Variants in NAALADL2 observed in about 807,000 individuals in gnomAD.
NAALADL2 encodes the protein N-acetylated alpha-linked acidic dipeptidase like 2.
A neutral mutation model predicts 87.2 loss-of-function variants in NAALADL2; 76 were observed. The observed-to-expected ratio is 0.87, with a 90% CI of 0.72 to 1.05. The LOEUF (loss-of-function observed/expected upper bound fraction) is 1.05, where lower values mean the gene tolerates loss of function less well. Among genes scored for constraint, NAALADL2 ranks in the 50% least tolerant of loss-of-function variants. The pLI is 0.00. For missense variants in NAALADL2, 1,089 were observed against 945.8 expected (o/e 1.15, Z -1.99); for synonymous variants, 354 against 331.0 (o/e 1.07, Z -0.75).
At chr3:174,840,563 G>T (rs1383792524) in intron 3 of NAALADL2, among the ~76,000 whole-genome samples, 1 of 152,098 alleles carries the variant, frequency 6.6e-6, no homozygotes, top group Non-Finnish European at 1.5e-5. Context: ...ATTTTTAGAT[G>T]TACTTTTTCT....
chr3:175,615,587 A>G (rs4536840), intron 10 of NAALADL2, among the ~76,000 whole-genome samples: 28,985 of 151,830 alleles, frequency 0.19, 3,137 homozygotes, highest in African/African-American at 0.29. Context: ...GCCGGGCATG[A>G]TGGCTCATAT....
rs904235304 is a variant in NAALADL2 at position 174,893,694 on chromosome 3, C to G, written c.43+34244C>G. 4.0e-5 allele frequency among the ~76,000 whole-genome samples: 6 copies of G among 151,634 alleles called. No homozygotes were observed. In the South Asian group the frequency reaches 1.0e-3, roughly 26 times the overall value. ...TTTGCAAGCCTCATGGTAACCTCAA[C>G]CAATAAATAAAAAAGATAGAATGAG... is the stretch of plus-strand genomic sequence containing the variant. On this transcript the variant is annotated intron_variant, in intron 1 of 13. Transcript: ENST00000454872.
At chr3:174,674,578 A>G (rs1237980527) in intron 2 of NAALADL2, among the ~76,000 whole-genome samples, 1 of 151,650 alleles carries the variant, frequency 6.6e-6, no homozygotes, top group Non-Finnish European at 1.5e-5. Context: ...TACTGAAAAT[A>G]TTTGTTGGAT....
chr3:174,723,576 A>G (rs1731895482), intron 2 of NAALADL2, among the ~76,000 whole-genome samples: 1 of 151,980 alleles, frequency 6.6e-6, no homozygotes, highest in Admixed American at 6.6e-5. Context: ...TAACATGGTG[A>G]AACCCCATCT....
intron 10 of NAALADL2, among the ~76,000 whole-genome samples, chr3:175,599,059 T>C (rs1722611031): frequency 6.6e-6 from 1 of 152,280 alleles, no homozygotes. Flanking sequence ...TTTGTTATAC[T>C]CTTCATGGTG....
At chr3:174,672,058 A>G (rs1472585350) in intron 2 of NAALADL2, among the ~76,000 whole-genome samples, 1 of 152,008 alleles carries the variant, frequency 6.6e-6, no homozygotes, top group Admixed American at 6.6e-5. Flanking sequence ...CTAAATTCTG[A>G]ACTAAGAATA....
At chr3:175,626,453 A>G (rs1191803310) in intron 10 of NAALADL2, among the ~76,000 whole-genome samples, 1 of 151,880 alleles carries the variant, frequency 6.6e-6, no homozygotes, top group East Asian at 1.9e-4. Flanking sequence ...AGAAAGAATA[A>G]TGTAGTTCAT....
intron 2 of NAALADL2, among the ~76,000 whole-genome samples, chr3:174,716,813 T>C (rs890304049): frequency 5.3e-5 from 8 of 152,210 alleles, no homozygotes; most frequent in African/African-American, 1.9e-4. Flanking sequence ...AAAAATACTT[T>C]GTTAATAATG....
intron 1 of NAALADL2, among the ~76,000 whole-genome samples, chr3:174,498,321 C>T (rs116653995): frequency 0.014 from 2,132 of 151,926 alleles, 49 homozygotes; most frequent in African/African-American, 0.049. Context: ...TCTTTAATCA[C>T]AGTTTTGAGA....
intron 3 of NAALADL2, among the ~76,000 whole-genome samples, chr3:174,823,089 C>A (rs1253254712): frequency 6.6e-6 from 1 of 152,184 alleles, no homozygotes; most frequent in East Asian, 1.9e-4. Context: ...AAAGCACTTT[C>A]TATATTTGTA....
chr3:175,787,603 C>T (rs922752509), intron 13 of NAALADL2, among the ~76,000 whole-genome samples: 1 of 152,098 alleles, frequency 6.6e-6, no homozygotes, highest in Non-Finnish European at 1.5e-5. Flanking sequence ...TGACCTGCGC[C>T]CACTGTCTGG....
intron 12 of NAALADL2, among the ~76,000 whole-genome samples, chr3:175,739,307 T>C (rs1308041245): frequency 6.6e-6 from 1 of 152,236 alleles, no homozygotes; most frequent in Non-Finnish European, 1.5e-5. Context: ...GATTCGGTTG[T>C]CAGGCCAATG....
chr3:174,462,979 A>T (rs1716301711), intron 1 of NAALADL2, among the ~76,000 whole-genome samples: 1 of 152,178 alleles, frequency 6.6e-6, no homozygotes, highest in Non-Finnish European at 1.5e-5. Flanking sequence ...TCTGGGCTTT[A>T]ATTAGCCATG....
intron 2 of NAALADL2, among the ~76,000 whole-genome samples, chr3:174,589,814 T>G (rs1306534463): frequency 1.3e-5 from 2 of 151,862 alleles, no homozygotes; most frequent in Admixed American, 1.3e-4. Context: ...GCCCATGATG[T>G]TTTTTAAACC....
chr3:174,851,458 A>G (rs1330065385), intron 3 of NAALADL2, among the ~76,000 whole-genome samples: 4 of 152,046 alleles, frequency 2.6e-5, no homozygotes, highest in Non-Finnish European at 4.4e-5. Flanking sequence ...GAAATTCAAA[A>G]GATTGTTTTG....
At chr3:175,241,200 C>T (rs112324688) in intron 3 of NAALADL2, among the ~76,000 whole-genome samples, 7 of 149,890 alleles carry the variant, frequency 4.7e-5, no homozygotes, top group Admixed American at 3.3e-4. Context: ...TCCATAATTG[C>T]TTCTTTCATT....
At chr3:175,557,997 A>G (rs1466265365) in intron 9 of NAALADL2, among the ~76,000 whole-genome samples, 1 of 151,982 alleles carries the variant, frequency 6.6e-6, no homozygotes. Flanking sequence ...AATCGAGACC[A>G]TCCTGGCTAA....
chr3:175,797,928 C>T (rs1467134317), intron 13 of NAALADL2, among the ~76,000 whole-genome samples: 1 of 151,960 alleles, frequency 6.6e-6, no homozygotes, highest in East Asian at 1.9e-4. Flanking sequence ...TAAAAGTTCT[C>T]AGAGCCAAGA....
chr3:175,446,598 A>T (rs186343950), intron 5 of NAALADL2, among the ~76,000 whole-genome samples: 80 of 151,986 alleles, frequency 5.3e-4, no homozygotes, highest in African/African-American at 1.8e-3. Context: ...CTCCCTGTTC[A>T]CTCTCTCACT....
Sources: allele counts gnomAD v4.1 joint callset (sites outside exome capture counted in the v4.1 genomes callset), GRCh38; gene constraint gnomAD v4.1.1; transcripts MANE v1.5; gene names NCBI Gene and HGNC (gene_info 2026-07-23, HGNC 2026-07-21).